The following PTPRD variants were observed in gnomAD, a reference collection of about 807,000 sequenced individuals.
PTPRD encodes receptor-type tyrosine-protein phosphatase delta.
In PTPRD, 34 loss-of-function variants were observed where a neutral mutation model predicts 214.5. The observed-to-expected ratio is 0.16, with a 90% confidence interval of 0.12 to 0.21. PTPRD has a LOEUF of 0.21. Among genes scored for constraint, PTPRD ranks in the 10% least tolerant of loss-of-function variants. The pLI is 1.00. For missense variants in PTPRD, 2,545 were observed against 2,398.7 expected (o/e 1.06, Z -1.27); for synonymous variants, 1,128 against 845.7 (o/e 1.33, Z -5.79).
rs2083121445 is a variant in PTPRD, at chr9:8,375,922, C to G, written c.4661+14G>C. Reference sequence around the variant, plus strand: ...TTTCTGTTTCCTGACTGCAAGTGAACAAACGCTTCTTACCTGCAGTGCACA... The same window carrying G: ...TTTCTGTTTCCTGACTGCAAGTGAAGAAACGCTTCTTACCTGCAGTGCACA... On this transcript the variant is annotated intron_variant, in intron 39 of 45. Coordinates refer to ENST00000381196, the MANE Select transcript of PTPRD (RefSeq NM_002839.4). The G allele has an allele frequency of 5.6e-6, 9 of 1,604,456 alleles. No homozygotes were observed. The highest frequency in any genetic ancestry group is 6.8e-6 in the Non-Finnish European group (8 of 1,175,812).
intron 39 of PTPRD, among the ~76,000 whole-genome samples, chr9:8,367,484 A>C (rs1416312621): frequency 6.6e-6 from 1 of 152,176 alleles, no homozygotes; most frequent in African/African-American, 2.4e-5. Context: ...CATAGCCAAA[A>C]TTCTACGATC....
chr9:8,515,980 G>C (rs1337971409), intron 21 of PTPRD, among the ~76,000 whole-genome samples: 1 of 152,158 alleles, frequency 6.6e-6, no homozygotes, highest in African/African-American at 2.4e-5. Flanking sequence ...ATAAACGAAA[G>C]CTTGGGCTTC....
Position 9,019,301 on chromosome 9 carries a change from A to AAAGAAAGAAAGAAAGG in PTPRD, c.-142-567_-142-566insCCTTTCTTTCTTTCTT, listed in dbSNP as rs1554629114. Among the ~76,000 whole-genome samples, 381 of 70,684 alleles carry AAAGAAAGAAAGAAAGG rather than the reference A, an allele frequency of 5.4e-3. 1 individual carries two copies. The highest frequency in any genetic ancestry group is 0.011 in the African/African-American group (191 of 17,454). 46.4% of individuals were successfully genotyped at this position (70,684 alleles called of 152,430 possible). ...AGAAAGAAGAAAGAAAGAAAGAAAG[A>AAAGAAAGAAAGAAAGG]AAGAAAGAAAGAAAGAAAGAAAGAA... On this transcript the variant is annotated intron_variant, in intron 10 of 45. Coordinates refer to ENST00000381196, the MANE Select transcript of PTPRD (RefSeq NM_002839.4).
intron 11 of PTPRD, among the ~76,000 whole-genome samples, chr9:8,920,807 A>G (rs7862347): frequency 0.41 from 62,612 of 151,820 alleles, 14,725 homozygotes; most frequent in Non-Finnish European, 0.51. Context: ...TTTCTTATTT[A>G]TTTATTTATT....
chr9:9,687,778 C>T (rs2097191750), intron 7 of PTPRD, among the ~76,000 whole-genome samples: 1 of 151,704 alleles, frequency 6.6e-6, no homozygotes, highest in Non-Finnish European at 1.5e-5. Context: ...AATAAGTAGA[C>T]CTCCTTCAGG....
intron 8 of PTPRD, among the ~76,000 whole-genome samples, chr9:9,514,852 A>G (rs2096795843): frequency 6.6e-6 from 1 of 152,024 alleles, no homozygotes; most frequent in Admixed American, 6.6e-5. Context: ...ATAGCTCCAA[A>G]GTGCCTAGTT....
At chr9:10,326,794 C>A (rs892058116) in intron 3 of PTPRD, among the ~76,000 whole-genome samples, 1 of 151,194 alleles carries the variant, frequency 6.6e-6, no homozygotes, top group Non-Finnish European at 1.5e-5. Context: ...GGCTCTCTAC[C>A]GGTTTGTTTG....
intron 2 of PTPRD, among the ~76,000 whole-genome samples, chr9:10,401,940 G>C (rs2098276221): frequency 6.6e-6 from 1 of 151,118 alleles, no homozygotes; most frequent in Admixed American, 6.6e-5. Flanking sequence ...AAAATAAAAA[G>C]TTTAAATGTA....
Position 10,103,395 on chromosome 9 carries a change from T to TATATA in PTPRD, c.-544-69606_-544-69605insTATAT, listed in dbSNP as rs34926923. On this transcript the variant is annotated intron_variant, in intron 3 of 45. Coordinates refer to ENST00000381196, the MANE Select transcript of PTPRD (RefSeq NM_002839.4). The stretch of plus-strand genomic sequence containing the variant: ...CTGCATATTATATATATATATATAT[T>TATATA]TATTTAAGAGCATTGCAGTAAGAAA... Among the ~76,000 whole-genome samples, 75 of 116,720 alleles carry TATATA rather than the reference T, an allele frequency of 6.4e-4. 7 individuals carry two copies. Among genetic ancestry groups the TATATA allele is most frequent in the African/African-American group, 1.6e-3 (51 of 31,486 alleles). The allele number at this position is 116,720 out of a possible 152,430, so 76.6% of individuals were successfully genotyped here.
chr9:8,963,197 T>C (rs764675483), intron 11 of PTPRD: 2 of 152,118 alleles, frequency 1.3e-5, no homozygotes, highest in Non-Finnish European at 2.9e-5. Flanking sequence ...CTGAGACTTG[T>C]AATTTGGGAA....
chr9:9,649,961 C>A (rs115860292), intron 7 of PTPRD, among the ~76,000 whole-genome samples: 1 of 151,742 alleles, frequency 6.6e-6, no homozygotes, highest in Non-Finnish European at 1.5e-5. Context: ...AAAAATGAAA[C>A]GGAGGGAGAA....
chr9:9,301,186 A>G (rs540803237), intron 9 of PTPRD, among the ~76,000 whole-genome samples: 3 of 152,016 alleles, frequency 2.0e-5, no homozygotes, highest in African/African-American at 7.2e-5. Flanking sequence ...ATATATGATT[A>G]GAACTATGTT....
At chr9:9,006,161 A>C (rs916124485) in intron 11 of PTPRD, among the ~76,000 whole-genome samples, 2 of 151,970 alleles carry the variant, frequency 1.3e-5, no homozygotes. Flanking sequence ...GAAGCACATG[A>C]ATTTAGCTGT....
At chr9:10,394,913 C>A (rs1322681580) in intron 2 of PTPRD, among the ~76,000 whole-genome samples, 1 of 150,124 alleles carries the variant, frequency 6.7e-6, no homozygotes, top group African/African-American at 2.4e-5. Context: ...ATTTAATATG[C>A]ATTTACTGAA....
At chr9:8,488,188 G>A (rs1040025613) in intron 27 of PTPRD, among the ~76,000 whole-genome samples, 2 of 152,122 alleles carry the variant, frequency 1.3e-5, no homozygotes, top group Admixed American at 1.3e-4. Context: ...CCTCAGAGAT[G>A]GACTGATTAG....
At chr9:9,283,205 A>T (rs1423596975) in intron 9 of PTPRD, among the ~76,000 whole-genome samples, 1 of 151,506 alleles carries the variant, frequency 6.6e-6, no homozygotes, top group East Asian at 2.0e-4. Flanking sequence ...TGTGAAGATG[A>T]GGTACAAAAC....
At chr9:10,463,617 A>AG (rs1221865767) in intron 2 of PTPRD, among the ~76,000 whole-genome samples, 1 of 151,396 alleles carries the variant, frequency 6.6e-6, no homozygotes, top group Non-Finnish European at 1.5e-5. Flanking sequence ...AAGGAAAAAG[A>AG]GGGTTTTTTT....
At chr9:8,921,431 C>G (rs1312548886) in intron 11 of PTPRD, among the ~76,000 whole-genome samples, 3 of 152,026 alleles carry the variant, frequency 2.0e-5, no homozygotes, top group African/African-American at 7.2e-5. Flanking sequence ...AGTTTCTGGA[C>G]TTATTAAATC....
intron 3 of PTPRD, among the ~76,000 whole-genome samples, chr9:10,112,609 C>T (rs1375795489): frequency 6.6e-6 from 1 of 152,034 alleles, no homozygotes; most frequent in Non-Finnish European, 1.5e-5. Flanking sequence ...CTGCCCAGGC[C>T]GTGGAGGAGG....
Sources: gnomAD v4.1 joint callset for allele counts (sites outside exome capture counted in the v4.1 genomes callset) on GRCh38, gnomAD v4.1.1 for gene constraint, MANE v1.5 for transcripts, NCBI Gene and HGNC (gene_info 2026-07-23, HGNC 2026-07-21) for gene names.